The following HERC4 variants were observed in gnomAD, a reference collection of about 807,000 sequenced individuals.
HERC4 encodes probable E3 ubiquitin-protein ligase HERC4.
Under a neutral mutation model 124.3 loss-of-function variants are expected in HERC4, and 28 were observed. The observed-to-expected ratio is 0.23, with a 90% confidence interval of 0.17 to 0.31. The LOEUF is 0.31. HERC4 is among the 10% of genes least tolerant of loss of function. The pLI is 1.00. For synonymous variants in HERC4, 407 were observed against 421.5 expected, an observed-to-expected ratio of 0.97 and a Z score of 0.42; for missense variants, 713 against 1,229.3, an observed-to-expected ratio of 0.58 and a Z score of 6.28.
At position 67,968,425 on chromosome 10, in the gene HERC4, T is replaced by C. The variant is rs140939787; in HGVS notation, c.1807-1623A>G. Reference sequence around the variant, plus strand: ...TCTCGCTCTCTTGCCCAGGCTGGAATACAGTGGTGTGATCTCGGCTCACTG... The same window carrying C: ...TCTCGCTCTCTTGCCCAGGCTGGAACACAGTGGTGTGATCTCGGCTCACTG... On this transcript the variant is annotated intron_variant, in intron 15 of 24. Transcript: ENST00000373700. 4.3e-3 allele frequency among the ~76,000 whole-genome samples: 658 copies of C among 152,032 alleles called. 5 individuals are homozygous for C. The highest frequency in any genetic ancestry group is 0.015 in the African/African-American group (609 of 41,484).
chr10:68,008,345 G>A (rs1213882710), intron 9 of HERC4, among the ~76,000 whole-genome samples: 1 of 152,250 alleles, frequency 6.6e-6, no homozygotes, highest in East Asian at 1.9e-4. Flanking sequence ...TAGTCAGCAA[G>A]TGATAAATCC....
chr10:68,014,236 T>C (rs767968193), intron 8 of HERC4, 50 bp from the exon 9 acceptor site: 4 of 1,427,266 alleles, frequency 2.8e-6, no homozygotes, highest in Non-Finnish European at 3.7e-6. Flanking sequence ...CTTCCAACAA[T>C]TTACAATGAC....
chr10:68,030,984 C>T (rs1376265305), intron 7 of HERC4, among the ~76,000 whole-genome samples: 1 of 152,054 alleles, frequency 6.6e-6, no homozygotes, highest in Non-Finnish European at 1.5e-5. Flanking sequence ...TTACTATTTC[C>T]AAGAAATTCT....
chr10:68,061,008 C>G (rs2040980661), intron 3 of HERC4, among the ~76,000 whole-genome samples: 1 of 152,088 alleles, frequency 6.6e-6, no homozygotes. Flanking sequence ...ACTCCTAATT[C>G]TGCTCTTTAG....
rs762244426 is a variant in HERC4 at position 68,073,004 on chromosome 10, C to A, written c.105G>T (p.Arg35Ser). ...TGAGTCCACATCCTACATCTCGGAC[C>A]CTTTTATTTATAAAGAAGTCACTTT... is the stretch of plus-strand genomic sequence containing the variant. ...PRKSDFFINK[R>S]VRDVGCGLRH... Residue 35 changes from arginine to serine, a missense_variant, in exon 3 of 25, where the codon AGG (arginine) becomes AGT (serine). Transcript: ENST00000373700. The A allele has an allele frequency of 6.2e-7, 1 of 1,613,786 alleles. No individual in the cohort carries two copies. Among genetic ancestry groups the A allele is most frequent in the South Asian group, 1.1e-5 (1 of 91,060 alleles).
intron 9 of HERC4, chr10:67,993,286 A>C (rs2036655922): frequency 6.6e-6 from 1 of 151,854 alleles, no homozygotes; most frequent in African/African-American, 2.4e-5. Context: ...CGGAGGTTGC[A>C]GTGAGCCGAG....
At chr10:67,932,885 T>G in intron 22 of HERC4, 105 bp from the exon 23 acceptor site, 1 of 956,244 alleles carries the variant, frequency 1.0e-6, no homozygotes, top group Non-Finnish European at 1.5e-6. Flanking sequence ...CTGCTACATA[T>G]CTACGAAACT....
At chr10:68,001,042 T>C (rs527435508) in intron 9 of HERC4, among the ~76,000 whole-genome samples, 5 of 152,118 alleles carry the variant, frequency 3.3e-5, no homozygotes, top group Non-Finnish European at 7.3e-5. Context: ...GAGATAATAA[T>C]CACTAAACCA....
intron 15 of HERC4, among the ~76,000 whole-genome samples, chr10:67,975,163 T>C (rs1362180964): frequency 6.6e-6 from 1 of 151,920 alleles, no homozygotes; most frequent in African/African-American, 2.4e-5. Context: ...CACTCCAGCC[T>C]GGGTGACAAG....
Position 67,992,293 on chromosome 10 carries a change from G to A in HERC4, c.1177C>T (p.Pro393Ser), listed in dbSNP as rs553084375. ...NCGPPDDFRC[P>S]NPTKQIWTVN... The stretch of plus-strand genomic sequence containing the variant: ...GTCCAGATCTGCTTTGTCGGATTGG[G>A]ACATCTGAAGTCATCTGGTGGCCCA... Residue 393 changes from proline to serine, a missense_variant, in exon 11 of 25, where the codon CCC becomes TCC. By Grantham distance (74) the Pro-to-Ser change is moderately conservative. Coordinates refer to ENST00000373700, the MANE Select transcript of HERC4 (RefSeq NM_015601.4). The A allele has an allele frequency of 6.2e-7, 1 of 1,613,876 alleles. No homozygotes were observed. The highest frequency in any genetic ancestry group is 8.5e-7 in the Non-Finnish European group (1 of 1,179,822).
At chr10:67,959,498 A>T (rs1344297622) in intron 16 of HERC4, among the ~76,000 whole-genome samples, 1 of 151,916 alleles carries the variant, frequency 6.6e-6, no homozygotes, top group Non-Finnish European at 1.5e-5. Flanking sequence ...TTTTCTACTT[A>T]AAAAAAATGG....
chr10:67,995,189 C>T (rs1379146820), intron 9 of HERC4: 2 of 445,306 alleles, frequency 4.5e-6, no homozygotes, highest in Non-Finnish European at 9.0e-6. Context: ...AAAACTACTA[C>T]ATGGAGGCAG....
chr10:68,032,250 T>C (rs1376830543), intron 7 of HERC4, among the ~76,000 whole-genome samples: 1 of 152,204 alleles, frequency 6.6e-6, no homozygotes, highest in Non-Finnish European at 1.5e-5. Flanking sequence ...TGATACTCAA[T>C]TGGCACATAC....
intron 3 of HERC4, among the ~76,000 whole-genome samples, chr10:68,072,532 T>C (rs145682624): frequency 8.4e-4 from 128 of 152,170 alleles, no homozygotes; most frequent in African/African-American, 3.0e-3. Flanking sequence ...AAACACAGAG[T>C]AAATTATGCA....
At chr10:68,053,019 CA>C (rs1445097763) in intron 3 of HERC4, among the ~76,000 whole-genome samples, 39 of 152,294 alleles carry the variant, frequency 2.6e-4, no homozygotes, top group African/African-American at 9.1e-4. Flanking sequence ...TAGTTTATTT[CA>C]CTACTGCATC....
intron 16 of HERC4, among the ~76,000 whole-genome samples, chr10:67,964,242 C>G (rs1179351921): frequency 6.6e-6 from 1 of 152,090 alleles, no homozygotes; most frequent in Non-Finnish European, 1.5e-5. Flanking sequence ...TTCATGTAAC[C>G]AAATTCACTG....
chr10:68,022,169 A>C (rs1419124335), intron 8 of HERC4, among the ~76,000 whole-genome samples: 1 of 152,180 alleles, frequency 6.6e-6, no homozygotes, highest in African/African-American at 2.4e-5. Context: ...CATGGACTGG[A>C]AGACAAATTG....
intron 3 of HERC4, among the ~76,000 whole-genome samples, chr10:68,062,795 T>G (rs1185341376): frequency 6.6e-6 from 1 of 152,002 alleles, no homozygotes. Context: ...AGGACTACCA[T>G]CACAGCCTAA....
intron 24 of HERC4, among the ~76,000 whole-genome samples, chr10:67,924,823 T>C (rs1238302300): frequency 1.3e-5 from 2 of 152,234 alleles, no homozygotes; most frequent in Non-Finnish European, 2.9e-5. Flanking sequence ...CCTAGTTTAT[T>C]GTAACCACAG....
Sources: allele counts gnomAD v4.1 joint callset (sites outside exome capture counted in the v4.1 genomes callset), GRCh38; gene constraint gnomAD v4.1.1; transcripts MANE v1.5; gene names NCBI Gene and HGNC (gene_info 2026-07-23, HGNC 2026-07-21).